UHRF2: variants seen among roughly 807,000 people sequenced by gnomAD.
UHRF2 encodes the protein E3 ubiquitin-protein ligase UHRF2.
UHRF2 carries 23 observed loss-of-function variants against 96.8 expected under a neutral mutation model. The observed-to-expected ratio is 0.24, with a 90% confidence interval of 0.17 to 0.34. The LOEUF is 0.34. UHRF2 is among the 10% of genes least tolerant of loss of function. The pLI is 1.00. For synonymous variants in UHRF2, 385 were observed against 332.6 expected (o/e 1.16, Z -1.72); for missense variants, 685 against 981.5 (o/e 0.70, Z 4.04).
intron 4 of UHRF2, among the ~76,000 whole-genome samples, chr9:6,462,857 C>T (rs576208449): frequency 2.0e-5 from 3 of 152,254 alleles, no homozygotes; most frequent in East Asian, 1.9e-4. Context: ...GCAGAGGTTG[C>T]AGTAAGCCGA....
At chr9:6,456,989 G>C (rs559396283) in intron 3 of UHRF2, among the ~76,000 whole-genome samples, 1 of 152,082 alleles carries the variant, frequency 6.6e-6, no homozygotes, top group Non-Finnish European at 1.5e-5. Flanking sequence ...TTGGCTATAC[G>C]GGCTCTTTTT....
chr9:6,468,739 C>G (rs146564956), intron 4 of UHRF2: 392 of 453,800 alleles, frequency 8.6e-4, no homozygotes, highest in African/African-American at 6.9e-3. Flanking sequence ...TCTTAGAAGG[C>G]ATACACTGGA....
chr9:6,481,536 C>T (rs1257615438), intron 6 of UHRF2, 107 bp from the exon 7 acceptor site: 1 of 1,315,874 alleles, frequency 7.6e-7, no homozygotes, highest in Non-Finnish European at 1.0e-6. Flanking sequence ...TAATGTATAC[C>T]AAATAATACA....
At chr9:6,450,865 C>T (rs1374740845) in intron 3 of UHRF2, among the ~76,000 whole-genome samples, 12 of 152,106 alleles carry the variant, frequency 7.9e-5, no homozygotes, top group Admixed American at 7.2e-4. Context: ...CCAGTTATTT[C>T]GAATTGGAAA....
At chr9:6,473,065 A>G (rs1166335037) in intron 4 of UHRF2, among the ~76,000 whole-genome samples, 1 of 152,206 alleles carries the variant, frequency 6.6e-6, no homozygotes, top group Non-Finnish European at 1.5e-5. Context: ...ATGGTCTCGA[A>G]ATACCTTTCC....
chr9:6,506,011 G>A (rs376126514), intron 15 of UHRF2, 22 bp from the exon 16 acceptor site: 26 of 1,613,358 alleles, frequency 1.6e-5, no homozygotes, highest in Middle Eastern at 1.6e-4. Context: ...GATTAAATTG[G>A]ATGTTTTTGT....
At chr9:6,484,476 C>G (rs939343693) in intron 8 of UHRF2, 1 of 150,086 alleles carries the variant, frequency 6.7e-6, no homozygotes, top group Non-Finnish European at 1.5e-5. Context: ...GATGCAGTGC[C>G]ATAATCACAG....
At chr9:6,505,975 C>T in intron 15 of UHRF2, 58 bp from the exon 16 acceptor site, 1 of 1,577,366 alleles carries the variant, frequency 6.3e-7, no homozygotes, top group Non-Finnish European at 8.7e-7. Flanking sequence ...GCATAAGTTG[C>T]TGAGTACTTA....
intron 2 of UHRF2, among the ~76,000 whole-genome samples, chr9:6,427,554 G>A (rs1429322506): frequency 6.6e-6 from 1 of 152,088 alleles, no homozygotes; most frequent in Non-Finnish European, 1.5e-5. Flanking sequence ...GGCTGTGGTG[G>A]CGTACGACTA....
At chr9:6,492,384 T>G in intron 9 of UHRF2, 4 of 1,141,250 alleles carry the variant, frequency 3.5e-6, no homozygotes, top group Non-Finnish European at 4.4e-6. Context: ...TTAAGAAGTA[T>G]TCTAAACTGT....
chr9:6,506,239 G>A lies in UHRF2; in HGVS notation c.*60G>A. The A allele has an allele frequency of 6.3e-7, 1 of 1,587,016 alleles. No homozygotes were observed. Among genetic ancestry groups the A allele is most frequent in the Non-Finnish European group, 8.6e-7 (1 of 1,164,698 alleles). On this transcript the variant is annotated 3_prime_UTR_variant, in exon 16 of 16. Transcript: ENST00000276893. The stretch of plus-strand genomic sequence containing the variant: ...TTTTGGACAATAAAGAATCTAAAAT[G>A]GGTGGGGAGGGTGGAAGAAATGGTG...
chr9:6,500,109 G>A (rs183184816), intron 13 of UHRF2, among the ~76,000 whole-genome samples, 178 bp downstream of exon 13: 21 of 151,912 alleles, frequency 1.4e-4, no homozygotes, highest in East Asian at 5.8e-4. Context: ...AGTAGCCCAC[G>A]GCTGTACACC....
chr9:6,460,861 C>A, intron 4 of UHRF2, 70 bp downstream of exon 4: 1 of 1,259,224 alleles, frequency 7.9e-7, no homozygotes, highest in Non-Finnish European at 1.1e-6. Context: ...AGGTATTAAG[C>A]ACGTGTACCT....
chr9:6,452,223 A>G (rs956543407), intron 3 of UHRF2, among the ~76,000 whole-genome samples: 47 of 152,128 alleles, frequency 3.1e-4, no homozygotes, highest in African/African-American at 1.1e-3. Context: ...GATTGTTTTT[A>G]GACCTGTTAC....
chr9:6,492,807 A>G (rs1034640171), intron 9 of UHRF2: 5 of 146,130 alleles, frequency 3.4e-5, no homozygotes, highest in South Asian at 2.2e-4. Context: ...TGTAGCTGCT[A>G]TAGAAGTAAT....
chr9:6,459,388 G>A (rs1006922211), intron 3 of UHRF2, among the ~76,000 whole-genome samples: 3 of 152,174 alleles, frequency 2.0e-5, no homozygotes, highest in South Asian at 4.1e-4. Context: ...TAAACTTGGG[G>A]CCGGGTGCGG....
intron 2 of UHRF2, among the ~76,000 whole-genome samples, chr9:6,422,063 T>C (rs890718702): frequency 2.6e-5 from 4 of 152,238 alleles, no homozygotes; most frequent in Non-Finnish European, 5.9e-5. Flanking sequence ...TTGAACCTTC[T>C]GTTAACCTGG....
chr9:6,428,551 T>TG (rs1820388757), intron 2 of UHRF2, among the ~76,000 whole-genome samples: 4 of 115,856 alleles, frequency 3.5e-5, no homozygotes, highest in African/African-American at 1.1e-4. Context: ...TTTTTTTTTT[T>TG]TTTTTTTTTT....
intron 6 of UHRF2, 120 bp downstream of exon 6, chr9:6,477,928 C>A: frequency 3.6e-6 from 3 of 830,978 alleles, no homozygotes; most frequent in Non-Finnish European, 5.5e-6. Flanking sequence ...AATGTTATGG[C>A]CAGTGGTTAC....
Sources: gnomAD v4.1 joint callset for allele counts (sites outside exome capture counted in the v4.1 genomes callset) on GRCh38, gnomAD v4.1.1 for gene constraint, MANE v1.5 for transcripts, NCBI Gene and HGNC (gene_info 2026-07-23, HGNC 2026-07-21) for gene names.